The following LSAMP variants were observed in gnomAD, a reference collection of about 807,000 sequenced individuals.
LSAMP encodes the protein limbic system-associated membrane protein.
In LSAMP, 7 loss-of-function variants were observed where a neutral mutation model predicts 38.6. That is an observed-to-expected ratio of 0.18 (90% confidence interval 0.10 to 0.34). LSAMP has a LOEUF of 0.34. Ranked by LOEUF, LSAMP falls within the 10% of genes least tolerant of loss-of-function variation. The pLI is 1.00. For synonymous variants in LSAMP, 154 were observed against 166.8 expected, an observed-to-expected ratio of 0.92 and a Z score of 0.59; for missense variants, 313 against 420.0, an observed-to-expected ratio of 0.75 and a Z score of 2.23.
chr3:116,208,999 C>G (rs1372508378), intron 1 of LSAMP, among the ~76,000 whole-genome samples: 2 of 152,210 alleles, frequency 1.3e-5, no homozygotes, highest in African/African-American at 4.8e-5. Flanking sequence ...CTCCCGGAGC[C>G]TCGCTGCCGC....
At chr3:116,367,154 TAG>T (rs914845966) in intron 1 of LSAMP, among the ~76,000 whole-genome samples, 4 of 152,180 alleles carry the variant, frequency 2.6e-5, no homozygotes, top group African/African-American at 9.7e-5. Context: ...GTCATAGGAA[TAG>T]AGAGAGACCA....
chr3:116,295,472 G>GGTAA (rs2047318884), intron 1 of LSAMP, among the ~76,000 whole-genome samples: 1 of 152,070 alleles, frequency 6.6e-6, no homozygotes, highest in Non-Finnish European at 1.5e-5. Context: ...TATAATTCTA[G>GGTAA]GTAAGTGTAC....
At chr3:116,281,740 T>C (rs182849276) in intron 1 of LSAMP, among the ~76,000 whole-genome samples, 1 of 152,342 alleles carries the variant, frequency 6.6e-6, no homozygotes, top group Non-Finnish European at 1.5e-5. Flanking sequence ...GAGAGGAATA[T>C]GATTTCATTT....
chr3:115,840,571 T>G (rs949808594), intron 6 of LSAMP, among the ~76,000 whole-genome samples: 2 of 152,176 alleles, frequency 1.3e-5, no homozygotes, highest in African/African-American at 4.8e-5. Flanking sequence ...CATCAAACTG[T>G]CACAGACTGA....
chr3:115,813,539 A>G (rs1933910058), intron 6 of LSAMP, among the ~76,000 whole-genome samples: 1 of 152,170 alleles, frequency 6.6e-6, no homozygotes, highest in Non-Finnish European at 1.5e-5. Flanking sequence ...CATCAGTTAA[A>G]GATATCTTCA....
intron 1 of LSAMP, among the ~76,000 whole-genome samples, chr3:116,249,106 G>A (rs1446633542): frequency 4.1e-5 from 6 of 145,770 alleles, no homozygotes; most frequent in South Asian, 2.2e-4. Flanking sequence ...CCAAGATCGC[G>A]CCACTGCACT....
intron 6 of LSAMP, among the ~76,000 whole-genome samples, chr3:115,835,482 G>GGATA (rs1559842727): frequency 6.6e-6 from 1 of 152,036 alleles, no homozygotes; most frequent in Non-Finnish European, 1.5e-5. Context: ...GGAATAGTAG[G>GGATA]GATAGGATGT....
chr3:116,195,606 A>G (rs1710863656), intron 1 of LSAMP, among the ~76,000 whole-genome samples: 2 of 152,172 alleles, frequency 1.3e-5, no homozygotes, highest in South Asian at 4.1e-4. Context: ...TGACAGAAGG[A>G]AAGTTGAAAT....
intron 3 of LSAMP, among the ~76,000 whole-genome samples, chr3:115,939,372 A>G (rs1279805798): frequency 6.6e-6 from 1 of 152,134 alleles, no homozygotes; most frequent in Non-Finnish European, 1.5e-5. Context: ...ATGGCAGCCT[A>G]AAGGGTAATA....
At chr3:116,128,304 T>G (rs1040902084) in intron 1 of LSAMP, among the ~76,000 whole-genome samples, 1 of 152,204 alleles carries the variant, frequency 6.6e-6, no homozygotes, top group African/African-American at 2.4e-5. Context: ...AGGAAGATGA[T>G]CAGATAATTT....
intron 6 of LSAMP, among the ~76,000 whole-genome samples, chr3:115,810,658 G>T (rs1933795805): frequency 6.6e-6 from 1 of 152,182 alleles, no homozygotes; most frequent in South Asian, 2.1e-4. Context: ...GCTTTTGCCG[G>T]GTAAGTCCTT....
chr3:116,058,842 A>G (rs1941538759), intron 2 of LSAMP, among the ~76,000 whole-genome samples: 1 of 152,180 alleles, frequency 6.6e-6, no homozygotes, highest in African/African-American at 2.4e-5. Flanking sequence ...ACGTGTTTCT[A>G]AGACACATAC....
intron 1 of LSAMP, among the ~76,000 whole-genome samples, chr3:116,271,755 G>T (rs1559807537): frequency 6.6e-6 from 1 of 152,008 alleles, no homozygotes; most frequent in Non-Finnish European, 1.5e-5. Flanking sequence ...GTGCCAATTT[G>T]TAGTTAGTCT....
chr3:116,098,995 A>G (rs937707528), intron 1 of LSAMP, among the ~76,000 whole-genome samples: 2 of 152,230 alleles, frequency 1.3e-5, no homozygotes, highest in Non-Finnish European at 2.9e-5. Context: ...TCCAACCTAC[A>G]TAAAGCACTA....
intron 1 of LSAMP, among the ~76,000 whole-genome samples, chr3:116,288,662 A>G (rs191722530): frequency 1.1e-3 from 161 of 152,244 alleles, no homozygotes; most frequent in Non-Finnish European, 1.9e-3. Context: ...ACTTCCCCAA[A>G]CATGCGGTAT....
rs1264408035 is a variant in LSAMP at position 115,804,571 on chromosome 3, C to T, written c.*5746G>A. Reference sequence around the variant, plus strand: ...ACAACAGGCACATGAGCCCTTAAAACTCCTTCCTGTTTTTTTTCTTTTTTT... The same window carrying T: ...ACAACAGGCACATGAGCCCTTAAAATTCCTTCCTGTTTTTTTTCTTTTTTT... On this transcript the variant is annotated 3_prime_UTR_variant, in exon 7 of 7. Coordinates refer to ENST00000490035, the MANE Select transcript of LSAMP (RefSeq NM_002338.5). 2 of 152,132 alleles carry T rather than the reference C, an allele frequency of 1.3e-5. No individual in the cohort carries two copies. The highest frequency in any genetic ancestry group is 4.8e-5 in the African/African-American group (2 of 41,442). 9.4% of individuals were successfully genotyped at this position (152,132 alleles called of 1,614,324 possible).
At chr3:116,138,576 T>C (rs180691998) in intron 1 of LSAMP, among the ~76,000 whole-genome samples, 1 of 152,028 alleles carries the variant, frequency 6.6e-6, no homozygotes, top group East Asian at 1.9e-4. Context: ...AATACAACTT[T>C]TGCTTGGATT....
chr3:116,438,317 ACAATACTTTGATACATACAATAT>A (rs1348117703), intron 1 of LSAMP, among the ~76,000 whole-genome samples: 3 of 152,194 alleles, frequency 2.0e-5, no homozygotes, highest in Admixed American at 1.3e-4. Flanking sequence ...TAGAGTTTAT[ACAATACTTTGATACATACAATAT>A]CATTTGATCA....
At chr3:116,073,916 G>T (rs936227037) in intron 2 of LSAMP, among the ~76,000 whole-genome samples, 1 of 152,170 alleles carries the variant, frequency 6.6e-6, no homozygotes, top group Non-Finnish European at 1.5e-5. Context: ...TCACTGGGAA[G>T]ACTCTAAAAT....
Sources: gnomAD v4.1 joint callset for allele counts (sites outside exome capture counted in the v4.1 genomes callset) on GRCh38, gnomAD v4.1.1 for gene constraint, MANE v1.5 for transcripts, NCBI Gene and HGNC (gene_info 2026-07-23, HGNC 2026-07-21) for gene names.